SGK3: variants seen among roughly 807,000 people sequenced by gnomAD.
The protein encoded by SGK3 is serine/threonine-protein kinase Sgk3.
SGK3 carries 47 observed loss-of-function variants against 68.5 expected under a neutral mutation model. The observed-to-expected ratio is 0.69, with a 90% CI of 0.54 to 0.87. The LOEUF is 0.87. Ranked by LOEUF, SGK3 falls within the 40% of genes least tolerant of loss-of-function variation. The pLI is 0.00. For synonymous variants in SGK3, 181 were observed against 189.1 expected, an observed-to-expected ratio of 0.96 and a Z score of 0.35; for missense variants, 479 against 575.5, an observed-to-expected ratio of 0.83 and a Z score of 1.72.
At chr8:66,828,585 T>A (rs1334785930) in intron 6 of SGK3, 69 bp from the exon 7 acceptor site, 1 of 1,601,884 alleles carries the variant, frequency 6.2e-7, no homozygotes, top group Non-Finnish European at 8.5e-7. Context: ...ATAAATACTT[T>A]ATTTCAAAAC....
intron 1 of SGK3, among the ~76,000 whole-genome samples, chr8:66,785,809 C>G (rs749017343): frequency 1.3e-5 from 2 of 152,212 alleles, no homozygotes; most frequent in Non-Finnish European, 2.9e-5. Flanking sequence ...AAGTCTAGTT[C>G]TTCCATTCTA....
At chr8:66,798,857 A>G (rs1263383631) in intron 3 of SGK3, among the ~76,000 whole-genome samples, 1 of 152,202 alleles carries the variant, frequency 6.6e-6, no homozygotes, top group Non-Finnish European at 1.5e-5. Flanking sequence ...TGAGAACTAG[A>G]TAAAATACCT....
intron 3 of SGK3, among the ~76,000 whole-genome samples, chr8:66,802,758 G>GAGGA (rs909465523): frequency 2.0e-5 from 3 of 151,752 alleles, no homozygotes; most frequent in Admixed American, 6.6e-5. Flanking sequence ...AAGGAAGAAG[G>GAGGA]AGGAAGGAAG....
At chr8:66,713,277 G>A (rs560607621) in intron 1 of SGK3, among the ~76,000 whole-genome samples, 1 of 152,330 alleles carries the variant, frequency 6.6e-6, no homozygotes, top group South Asian at 2.1e-4. Context: ...TAAGTTCTCT[G>A]TAATTTGAAC....
intron 6 of SGK3, among the ~76,000 whole-genome samples, chr8:66,825,702 T>A (rs760941299): frequency 1.3e-5 from 2 of 152,142 alleles, no homozygotes; most frequent in African/African-American, 2.4e-5. Context: ...CAGAGAAAAA[T>A]AGAGGCCAAG....
chr8:66,774,073 TCCTATGAGTTGAG>T (rs1806604503), intron 1 of SGK3, among the ~76,000 whole-genome samples: 1 of 152,106 alleles, frequency 6.6e-6, no homozygotes, highest in Admixed American at 6.6e-5. Flanking sequence ...CTTTCCCCTC[TCCTATGAGTTGAG>T]CCTGGCAGGA....
chr8:66,714,899 G>A (rs1413110129), intron 1 of SGK3, among the ~76,000 whole-genome samples: 7 of 152,220 alleles, frequency 4.6e-5, no homozygotes, highest in Non-Finnish European at 7.3e-5. Context: ...TGTGGACAGT[G>A]CCTGGCACGT....
intron 5 of SGK3, among the ~76,000 whole-genome samples, chr8:66,819,780 AGTTTTTGTTTTTTTTGTTTTT>A (rs1264648071): frequency 1.3e-5 from 2 of 151,662 alleles, no homozygotes; most frequent in Middle Eastern, 3.4e-3. Flanking sequence ...ACAATTCAGT[AGTTTTTGTTTTTTTTGTTTTT>A]GTTTTTGTTT....
chr8:66,796,293 C>A (rs1010294161), intron 2 of SGK3, among the ~76,000 whole-genome samples: 1 of 148,204 alleles, frequency 6.7e-6, no homozygotes, highest in African/African-American at 2.5e-5. Flanking sequence ...CATGCCACCA[C>A]GCCCAGCTAA....
intron 3 of SGK3, 26 bp from the exon 4 acceptor site, chr8:66,804,349 T>C (rs780025589): frequency 6.3e-7 from 1 of 1,580,842 alleles, no homozygotes; most frequent in Non-Finnish European, 8.6e-7. Context: ...AATTAGTTCA[T>C]ATAATGTTAT....
chr8:66,820,525 G>T (rs1808768389), intron 5 of SGK3, among the ~76,000 whole-genome samples: 1 of 152,100 alleles, frequency 6.6e-6, no homozygotes, highest in Admixed American at 6.5e-5. Context: ...TCATGAATGA[G>T]TTTTTATGTG....
chr8:66,723,117 ATATATATATATATATT>A (rs1404662743), intron 1 of SGK3, among the ~76,000 whole-genome samples: 1 of 49,778 alleles, frequency 2.0e-5, no homozygotes, highest in Non-Finnish European at 3.8e-5. Flanking sequence ...ATATATATAT[ATATATATATATATATT>A]TTTTTTTTTT....
chr8:66,724,182 G>A (rs867166105), intron 1 of SGK3, among the ~76,000 whole-genome samples: 3 of 152,224 alleles, frequency 2.0e-5, no homozygotes, highest in South Asian at 2.1e-4. Context: ...TGAGGATCCT[G>A]TTGCCCAGGC....
rs571064202 is a variant in SGK3 at position 66,823,380 on chromosome 8, G to A, written c.417+921G>A. Among the ~76,000 whole-genome samples the A allele has an allele frequency of 2.4e-3, 368 of 150,736 alleles. 2 individuals carry two copies. The highest frequency in any genetic ancestry group is 8.6e-3 in the African/African-American group (352 of 40,854). On this transcript the variant is annotated intron_variant, in intron 6 of 16. Transcript: ENST00000521198. Reference sequence around the variant, plus strand: ...ATGTGTGTTCCTAACAGAGAATAGGGTAGCCTTGTTTTTTTTTTTTTTTGT... The same window carrying A: ...ATGTGTGTTCCTAACAGAGAATAGGATAGCCTTGTTTTTTTTTTTTTTTGT...
At chr8:66,804,558 C>T (rs906912457) in intron 4 of SGK3, 111 bp downstream of exon 4, 7 of 1,125,322 alleles carry the variant, frequency 6.2e-6, no homozygotes, top group African/African-American at 1.6e-5. Flanking sequence ...AGATCTTATG[C>T]TCTGTGAAAA....
intron 14 of SGK3, among the ~76,000 whole-genome samples, 185 bp downstream of exon 14, chr8:66,843,732 G>A (rs1168073886): frequency 3.3e-5 from 5 of 152,124 alleles, no homozygotes; most frequent in Admixed American, 2.6e-4. Context: ...GGTGGCTCAC[G>A]CCAGTAATCC....
chr8:66,753,375 T>G (rs1224118239), intron 1 of SGK3, among the ~76,000 whole-genome samples: 10 of 152,186 alleles, frequency 6.6e-5, no homozygotes, highest in Non-Finnish European at 7.3e-5. Flanking sequence ...TATTCCTAGA[T>G]GAACCAAGGT....
chr8:66,829,943 A>G (rs894927765), intron 7 of SGK3, among the ~76,000 whole-genome samples: 30 of 144,332 alleles, frequency 2.1e-4, no homozygotes, highest in African/African-American at 7.5e-4. Flanking sequence ...TGCAATCTCC[A>G]CTCACCGCAG....
chr8:66,767,814 C>G (rs760208436), intron 1 of SGK3: 4 of 1,538,276 alleles, frequency 2.6e-6, no homozygotes, highest in Non-Finnish European at 3.6e-6. Flanking sequence ...TGACAGTTCC[C>G]AAAGCCTTTC....
Sources: allele counts gnomAD v4.1 joint callset (sites outside exome capture counted in the v4.1 genomes callset), GRCh38; gene constraint gnomAD v4.1.1; transcripts MANE v1.5; gene names NCBI Gene and HGNC (gene_info 2026-07-23, HGNC 2026-07-21).